Variants in NTF3 observed in about 807,000 individuals in gnomAD.
NTF3 encodes neurotrophin 3.
NTF3 carries 8 observed loss-of-function variants against 26.3 expected under a neutral mutation model. The observed-to-expected ratio is 0.30, with a 90% CI of 0.18 to 0.55. The LOEUF is 0.55. Among genes scored for constraint, NTF3 ranks in the 20% least tolerant of loss-of-function variants. NTF3 has a pLI of 0.93. For missense variants in NTF3, 276 were observed against 352.9 expected (o/e 0.78, Z 1.75); for synonymous variants, 154 against 145.5 (o/e 1.06, Z -0.42).
At chr12:5,444,700 G>C (rs1940282100) in intron 1 of NTF3, among the ~76,000 whole-genome samples, 1 of 152,148 alleles carries the variant, frequency 6.6e-6, no homozygotes, top group Admixed American at 6.5e-5. Flanking sequence ...GGGAACTATG[G>C]AAAACTCTGA....
chr12:5,468,153 G>C (rs1940616293), intron 1 of NTF3, among the ~76,000 whole-genome samples: 1 of 152,166 alleles, frequency 6.6e-6, no homozygotes, highest in South Asian at 2.1e-4. Context: ...TTGGTTGTGT[G>C]ATTCATGCTG....
chr12:5,458,655 A>C (rs1433493579), intron 1 of NTF3, among the ~76,000 whole-genome samples: 1 of 152,266 alleles, frequency 6.6e-6, no homozygotes, highest in Non-Finnish European at 1.5e-5. Flanking sequence ...ATGAATTCCC[A>C]GAACAGGTGA....
At chr12:5,462,828 T>C (rs1399320197) in intron 1 of NTF3, among the ~76,000 whole-genome samples, 1 of 152,222 alleles carries the variant, frequency 6.6e-6, no homozygotes, top group Admixed American at 6.5e-5. Flanking sequence ...TTGCGCACAC[T>C]GCATGCATAG....
chr12:5,459,454 C>T (rs1013808133), intron 1 of NTF3, among the ~76,000 whole-genome samples: 10 of 152,202 alleles, frequency 6.6e-5, no homozygotes, highest in African/African-American at 2.4e-4. Context: ...ACACACTGCA[C>T]TCCCTCCTTC....
intron 1 of NTF3, among the ~76,000 whole-genome samples, chr12:5,469,608 T>C (rs1172020697): frequency 1.3e-5 from 2 of 152,144 alleles, no homozygotes; most frequent in Non-Finnish European, 2.9e-5. Flanking sequence ...AATCTAGAAC[T>C]AACCCTGACC....
intron 1 of NTF3, among the ~76,000 whole-genome samples, chr12:5,487,948 T>C (rs1453211840): frequency 1.3e-5 from 2 of 152,250 alleles, no homozygotes; most frequent in African/African-American, 4.8e-5. Context: ...ATCTCTGGCC[T>C]GCTTTCTGAT....
intron 1 of NTF3, among the ~76,000 whole-genome samples, chr12:5,448,153 A>T (rs1055595692): frequency 2.6e-5 from 4 of 152,252 alleles, no homozygotes; most frequent in African/African-American, 9.6e-5. Flanking sequence ...TTGCAAATCT[A>T]ATAGATTCCG....
intron 1 of NTF3, among the ~76,000 whole-genome samples, chr12:5,449,573 C>T (rs1940348420): frequency 6.6e-6 from 1 of 152,142 alleles, no homozygotes; most frequent in East Asian, 1.9e-4. Context: ...ACGACTTACC[C>T]GGAGTATGGA....
chr12:5,457,142 TCA>T (rs1940462412), intron 1 of NTF3, among the ~76,000 whole-genome samples: 1 of 152,204 alleles, frequency 6.6e-6, no homozygotes, highest in African/African-American at 2.4e-5. Flanking sequence ...CTGTATAAAG[TCA>T]TGCATATTAG....
chr12:5,468,905 T>A lies in NTF3; in HGVS notation c.19-25289T>A, dbSNP rs186015758. Reference sequence around the variant, plus strand: ...GGAGCCCGAGGCAGGTGGATCGCTTTAGCCCAGGAGTAAGAGACCAGCCTG... The same window carrying A: ...GGAGCCCGAGGCAGGTGGATCGCTTAAGCCCAGGAGTAAGAGACCAGCCTG... On this transcript the variant is annotated intron_variant, in intron 1 of 1. Coordinates refer to ENST00000423158, the MANE Select transcript of NTF3 (RefSeq NM_001102654.2). 4.3e-3 allele frequency among the ~76,000 whole-genome samples: 659 copies of A among 152,262 alleles called. 1 individual carries two copies. The highest frequency in any genetic ancestry group is 6.7e-3 in the Non-Finnish European group (456 of 68,008).
chr12:5,476,162 G>A (rs184607076), intron 1 of NTF3, among the ~76,000 whole-genome samples: 1 of 152,118 alleles, frequency 6.6e-6, no homozygotes, highest in Non-Finnish European at 1.5e-5. Flanking sequence ...CAGTCCTACC[G>A]TGCAACCATT....
In NTF3 at chr12:5,494,202, G is replaced by C; in HGVS notation, c.27G>C (p.Gln9His). ...CTGTGTTTCCTTTTCAGATCTTACAGGTGAACAAGGTGATGTCCATCTTGT... is the reference window on the plus strand; with the variant it reads ...CTGTGTTTCCTTTTCAGATCTTACACGTGAACAAGGTGATGTCCATCTTGT... MVTFATIL[Q>H]VNKVMSILFY... Residue 9 changes from glutamine to histidine, a missense_variant, in exon 2 of 2, where the codon CAG (glutamine) becomes CAC (histidine). Around this residue, in one of 3 missense-constraint regions of NTF3, gnomAD observed 221 missense variants for 258.2 expected, o/e 0.86. Transcript: ENST00000423158. This position sits in a 1 kb window ranked among gnomAD's most constrained non-coding sequence, Gnocchi z 8.3. 1 of 1,612,958 alleles carries C rather than the reference G, an allele frequency of 6.2e-7. No individual in the cohort carries two copies.
chr12:5,489,289 G>A (rs990138217), intron 1 of NTF3, among the ~76,000 whole-genome samples: 1 of 152,248 alleles, frequency 6.6e-6, no homozygotes. Context: ...TCTTGGGGAA[G>A]GACACAGCCT....
chr12:5,443,731 G>A (rs1940268549), intron 1 of NTF3, among the ~76,000 whole-genome samples: 1 of 152,084 alleles, frequency 6.6e-6, no homozygotes, highest in East Asian at 1.9e-4. Flanking sequence ...GGAAAAGATT[G>A]TTTTCTATAG....
At chr12:5,452,602 G>A (rs1940389582) in intron 1 of NTF3, among the ~76,000 whole-genome samples, 1 of 152,116 alleles carries the variant, frequency 6.6e-6, no homozygotes, top group Non-Finnish European at 1.5e-5. Flanking sequence ...ACCTTTCCAA[G>A]CTTGAAGATG....
upstream of NTF3, among the ~76,000 whole-genome samples, chr12:5,430,511 T>G (rs1940071347): frequency 6.6e-6 from 1 of 150,528 alleles, no homozygotes; most frequent in African/African-American, 2.4e-5. Context: ...CTGGCGGTTT[T>G]CGATGTGGCA....
chr12:5,460,964 C>T (rs2121190345), intron 1 of NTF3, among the ~76,000 whole-genome samples: 1 of 152,310 alleles, frequency 6.6e-6, no homozygotes, highest in South Asian at 2.1e-4. Flanking sequence ...CAGTTCTTTT[C>T]CTCCTGATAC....
At chr12:5,475,728 G>C (rs531600039) in intron 1 of NTF3, among the ~76,000 whole-genome samples, 105 of 152,032 alleles carry the variant, frequency 6.9e-4, no homozygotes, top group African/African-American at 2.2e-3. Flanking sequence ...CTAGCTACTT[G>C]GAAGGCTGAG....
chr12:5,459,497 G>C (rs1483593395), intron 1 of NTF3, among the ~76,000 whole-genome samples: 2 of 152,152 alleles, frequency 1.3e-5, no homozygotes, highest in Non-Finnish European at 2.9e-5. Context: ...TATTTCCCAG[G>C]GGTCTTATAA....
Sources: allele counts gnomAD v4.1 joint callset (sites outside exome capture counted in the v4.1 genomes callset), GRCh38; gene constraint gnomAD v4.1.1; regional missense constraint gnomAD v4.1.1; non-coding constraint Gnocchi (gnomAD v3.1); transcripts MANE v1.5; gene names NCBI Gene and HGNC (gene_info 2026-07-23, HGNC 2026-07-21).